USP45: variants seen among roughly 807,000 people sequenced by gnomAD.
USP45 encodes the protein ubiquitin specific peptidase 45.
A neutral mutation model predicts 95.8 loss-of-function variants in USP45; 89 were observed. The observed-to-expected ratio is 0.93, with a 90% CI of 0.78 to 1.11. The LOEUF is 1.11. Ranked by LOEUF, USP45 falls within the 50% of genes least tolerant of loss-of-function variation. USP45 has a pLI of 0.00. For synonymous variants in USP45, 281 were observed against 316.2 expected (o/e 0.89, Z 1.18); for missense variants, 898 against 942.5 (o/e 0.95, Z 0.62).
Position 99,435,815 on chromosome 6 carries a change from G to A in USP45, c.2346C>T (p.Gly782=), listed in dbSNP as rs1386496838. ...AAGTGTCACTAACATGGACCCACTGGCCTGCTGATTCATTATCAGCCGCTT... is the reference window on the plus strand; with the variant it reads ...AAGTGTCACTAACATGGACCCACTGACCTGCTGATTCATTATCAGCCGCTT... The part of the protein sequence containing the change: ...GLKAADNESA[G]QWVHVSDTYL... The change falls in exon 18 of 18, where the codon GGC becomes GGT. Residue 782 remains glycine (G), a synonymous_variant. Coordinates refer to ENST00000500704, the MANE Select transcript of USP45 (RefSeq NM_001346022.3). 1.9e-6 allele frequency: 3 copies of A among 1,613,030 alleles called. No homozygotes were observed. Among genetic ancestry groups the A allele is most frequent in the Non-Finnish European group, 2.5e-6 (3 of 1,179,514 alleles).
chr6:99,511,897 G>A (rs1799976936), intron 1 of USP45, among the ~76,000 whole-genome samples: 1 of 133,932 alleles, frequency 7.5e-6, no homozygotes, highest in South Asian at 2.3e-4. Flanking sequence ...ACACATAGTT[G>A]AACTATTTGA....
At chr6:99,465,466 T>G (rs1187556316) in intron 11 of USP45, among the ~76,000 whole-genome samples, 1 of 152,102 alleles carries the variant, frequency 6.6e-6, no homozygotes, top group Non-Finnish European at 1.5e-5. Flanking sequence ...GGCTGTAACA[T>G]AAGTAAACTA....
chr6:99,488,265 G>T lies in USP45; in HGVS notation c.649C>A (p.Leu217Met). 6.2e-7 allele frequency: 1 copy of T among 1,611,656 alleles called. No homozygotes were observed. The highest frequency in any genetic ancestry group is 8.5e-7 in the Non-Finnish European group (1 of 1,179,232). The stretch of plus-strand genomic sequence containing the variant: ...CTACTTTCTTTGATCTCATTCATCA[G>T]ATCAGTAAGAGTATAAGTCTGTGCC... ...NLAQTYTLTD[L>M]MNEIKESSTK... is the part of the protein sequence containing the mutation. Residue 217 changes from leucine (L) to methionine (M), a missense_variant, in exon 7 of 18, where the codon CTG becomes ATG. By Grantham distance (15) the Leu-to-Met change is conservative (BLOSUM62 2). Transcript: ENST00000500704.
In USP45 at chr6:99,508,689, C is replaced by T. The variant is rs1489634287; in HGVS notation, c.194G>A (p.Cys65Tyr). Reference sequence around the variant, plus strand: ...ATCATAGAATCTTCTTTCTTTTAAACATTCTGAGCAAACTGACCACAGATT... The same window carrying T: ...ATCATAGAATCTTCTTTCTTTTAAATATTCTGAGCAAACTGACCACAGATT... ...AENLWSVCSE[C>Y]LKERRFYDGQ... The change falls in exon 3 of 18, where the codon TGT (cysteine) becomes TAT (tyrosine). Residue 65 changes from cysteine (C) to tyrosine (Y), a missense_variant. Cys to Tyr is a radical substitution (Grantham distance 194). Coordinates refer to ENST00000500704, the MANE Select transcript of USP45 (RefSeq NM_001346022.3). The T allele has an allele frequency of 2.5e-6, 4 of 1,613,688 alleles. No homozygotes were observed. Among genetic ancestry groups the T allele is most frequent in the Non-Finnish European group, 3.4e-6 (4 of 1,179,906 alleles).
chr6:99,461,255 C>A (rs1562340353), intron 13 of USP45: 2 of 985,206 alleles, frequency 2.0e-6, no homozygotes, highest in Admixed American at 1.2e-4. Context: ...TACAATTATT[C>A]AATCAGCATG....
chr6:99,450,677 C>A (rs564738910), intron 13 of USP45, among the ~76,000 whole-genome samples: 2 of 152,206 alleles, frequency 1.3e-5, no homozygotes, highest in Non-Finnish European at 2.9e-5. Flanking sequence ...TTTCCTAACT[C>A]ATTTTATGAG....
intron 13 of USP45, among the ~76,000 whole-genome samples, chr6:99,455,581 T>A (rs1454959195): frequency 6.6e-6 from 1 of 152,012 alleles, no homozygotes; most frequent in Non-Finnish European, 1.5e-5. Flanking sequence ...TGCACCCCCA[T>A]GTTTACTGCA....
In USP45 at chr6:99,503,785, T is replaced by C; in HGVS notation, c.458A>G (p.His153Arg). 3 of 1,598,604 alleles carry C rather than the reference T, an allele frequency of 1.9e-6. No homozygotes were observed. The highest frequency in any genetic ancestry group is 1.2e-5 in the South Asian group (1 of 86,888). Residue 153 changes from histidine to arginine, a missense_variant, in exon 5 of 18, where the codon CAT (histidine) becomes CGT (arginine). Physicochemically the swap from His to Arg is conservative, Grantham distance 29. Coordinates refer to ENST00000500704, the MANE Select transcript of USP45 (RefSeq NM_001346022.3). ...CTTACTTGTTTGTGTTTTAGAAGCA[T>C]GTTTCTGGAGAAAATCAACTATCTG... ...LAQIVDFLQK[H>R]ASKTQTSAFS...
chr6:99,456,307 A>G (rs1418760214), intron 13 of USP45, among the ~76,000 whole-genome samples: 1 of 126,498 alleles, frequency 7.9e-6, no homozygotes, highest in Non-Finnish European at 1.8e-5. Flanking sequence ...ATAGAACAGT[A>G]TGGTAACTAC....
At position 99,488,817 on chromosome 6, in the gene USP45, G is replaced by A. The variant is rs1419341184; in HGVS notation, c.482C>T (p.Ala161Val). The A allele has an allele frequency of 6.4e-7, 1 of 1,574,214 alleles. No homozygotes were observed. Among genetic ancestry groups the A allele is most frequent in the Non-Finnish European group, 8.6e-7 (1 of 1,164,414 alleles). The change falls in exon 6 of 18, where the codon GCA (alanine) becomes GTA (valine). Residue 161 changes from alanine to valine, a missense_variant. By Grantham distance (64) the Ala-to-Val change is moderately conservative. Transcript: ENST00000500704. ...ACAAAGTTTCATGATTCTAGAAAAT[G>A]CACCTACAAGTTAGAGAAAAAATAA... The part of the protein sequence containing the change: ...QKHASKTQTS[A>V]FSRIMKLCEE...
rs1799466804 is a variant in USP45, at chr6:99,510,156, A to G, written c.65T>C (p.Val22Ala). 1 of 1,613,944 alleles carries G rather than the reference A, an allele frequency of 6.2e-7. No homozygotes were observed. The highest frequency in any genetic ancestry group is 8.5e-7 in the Non-Finnish European group (1 of 1,179,840). The change falls in exon 2 of 18, where the codon GTA becomes GCA. Residue 22 changes from valine to alanine, a missense_variant. Physicochemically the swap from Val to Ala is moderately conservative, Grantham distance 64. Coordinates refer to ENST00000500704, the MANE Select transcript of USP45 (RefSeq NM_001346022.3). ...ATCTGAAGAGTCTTCATCATGAGGT[A>G]CAGTAGGCCTTTTACTTCTTTTGGC... The part of the protein sequence containing the change: ...EKAKRSKRPT[V>A]PHDEDSSDDI...
chr6:99,448,561 T>C (rs1783068727), intron 13 of USP45, among the ~76,000 whole-genome samples: 1 of 152,234 alleles, frequency 6.6e-6, no homozygotes, highest in African/African-American at 2.4e-5. Flanking sequence ...CTATGTCTGA[T>C]TGCTGTACCT....
intron 2 of USP45, among the ~76,000 whole-genome samples, chr6:99,509,659 A>G (rs1490125026): frequency 1.3e-5 from 2 of 152,080 alleles, no homozygotes; most frequent in African/African-American, 2.4e-5. Flanking sequence ...AAAAAAAAAA[A>G]AAAGCCAATC....
chr6:99,466,411 A>ATCTTAATATC (rs1471350404), intron 11 of USP45, among the ~76,000 whole-genome samples: 1 of 152,234 alleles, frequency 6.6e-6, no homozygotes, highest in Non-Finnish European at 1.5e-5. Context: ...AATGAATTTC[A>ATCTTAATATC]GTATATTAAG....
chr6:99,505,079 G>C (rs1047437516), intron 4 of USP45, among the ~76,000 whole-genome samples: 10 of 152,130 alleles, frequency 6.6e-5, no homozygotes, highest in Non-Finnish European at 1.2e-4. Flanking sequence ...AGATAAAAAG[G>C]GGGAAGGAAA....
intron 12 of USP45, 27 bp from the exon 13 acceptor site, chr6:99,464,774 A>T: frequency 6.4e-7 from 1 of 1,562,764 alleles, no homozygotes; most frequent in Non-Finnish European, 8.6e-7. Flanking sequence ...TACAGAAACC[A>T]AAACCTCTTT....
At position 99,433,392 on chromosome 6, in the gene USP45, T is replaced by C. The variant is rs1639390029; in HGVS notation, c.*2324A>G. The C allele has an allele frequency of 6.6e-6, 1 of 152,606 alleles. No homozygotes were observed. Among genetic ancestry groups the C allele is most frequent in the African/African-American group, 2.4e-5 (1 of 41,456 alleles). The allele number at this position is 152,606 out of a possible 1,614,324, so 9.5% of individuals were successfully genotyped here. On this transcript the variant is annotated 3_prime_UTR_variant, in exon 18 of 18. Coordinates refer to ENST00000500704, the MANE Select transcript of USP45 (RefSeq NM_001346022.3). Reference sequence around the variant, plus strand: ...TTATTTATACTGTTTCCTGAGGTGATCCAGAAACTACTGTTATTATAGTAG... The same window carrying C: ...TTATTTATACTGTTTCCTGAGGTGACCCAGAAACTACTGTTATTATAGTAG...
At position 99,432,674 on chromosome 6, in the gene USP45, C is replaced by A. The variant is rs2128510259; in HGVS notation, c.*3042G>T. 6.6e-6 allele frequency: 1 copy of A among 152,550 alleles called. No homozygotes were observed. The highest frequency in any genetic ancestry group is 1.9e-4 in the East Asian group (1 of 5,182). The allele number at this position is 152,550 out of a possible 1,614,324, so 9.4% of individuals were successfully genotyped here. On this transcript the variant is annotated 3_prime_UTR_variant, in exon 18 of 18. Coordinates refer to ENST00000500704, the MANE Select transcript of USP45 (RefSeq NM_001346022.3). ...AGAAATAATCTTTTTTAACAATGCACTAGATACTATCTAAAGGCTCAATTT... is the reference window on the plus strand; with the variant it reads ...AGAAATAATCTTTTTTAACAATGCAATAGATACTATCTAAAGGCTCAATTT...
chr6:99,474,977 C>T (rs1790438095), intron 9 of USP45, among the ~76,000 whole-genome samples: 1 of 152,200 alleles, frequency 6.6e-6, no homozygotes, highest in African/African-American at 2.4e-5. Flanking sequence ...ACAGGCTATT[C>T]CTTTTCTGAG....
Sources: allele counts gnomAD v4.1 joint callset (sites outside exome capture counted in the v4.1 genomes callset), GRCh38; gene constraint gnomAD v4.1.1; transcripts MANE v1.5; gene names NCBI Gene and HGNC (gene_info 2026-07-23, HGNC 2026-07-21).